PRKN: variants seen among roughly 807,000 people sequenced by gnomAD.
The protein encoded by PRKN is parkin RBR E3 ubiquitin protein ligase, also known as E3 ubiquitin-protein ligase parkin.
Under a neutral mutation model 59.5 loss-of-function variants are expected in PRKN, and 56 were observed. That is an observed-to-expected ratio of 0.94 (90% CI 0.76 to 1.18). The LOEUF (loss-of-function observed/expected upper bound fraction) is 1.18. PRKN is among the 50% of genes most tolerant of loss of function. PRKN has a pLI of 0.00. For missense variants in PRKN, 657 were observed against 596.4 expected (o/e 1.10, Z -1.06); for synonymous variants, 250 against 222.1 (o/e 1.13, Z -1.12).
At chr6:162,108,533 C>G (rs1780287306) in intron 4 of PRKN, among the ~76,000 whole-genome samples, 1 of 152,110 alleles carries the variant, frequency 6.6e-6, no homozygotes, top group Admixed American at 6.6e-5. Context: ...ATAGCAGGAA[C>G]TCAAATCGCA....
intron 2 of PRKN, among the ~76,000 whole-genome samples, chr6:162,347,440 A>G (rs988434385): frequency 1.3e-5 from 2 of 151,756 alleles, no homozygotes; most frequent in Admixed American, 1.3e-4. Flanking sequence ...CTTAATTTTC[A>G]ATATGGGTTG....
intron 4 of PRKN, among the ~76,000 whole-genome samples, chr6:162,086,022 T>C (rs1292970260): frequency 6.6e-6 from 1 of 152,176 alleles, no homozygotes; most frequent in Non-Finnish European, 1.5e-5. Context: ...CTTTGAAATC[T>C]CCCCATAGAA....
At position 161,355,031 on chromosome 6, in the gene PRKN, C is replaced by A. The variant is rs561860016; in HGVS notation, c.1286-4820G>T. On this transcript the variant is annotated intron_variant, in intron 11 of 11. Transcript: ENST00000366898. This position sits in a 1 kb window ranked among gnomAD's most constrained non-coding sequence, Gnocchi z 6.8. ...CATCCTAGAATATCTGCCTGCCTCA[C>A]AGGATCAAGTCCAAGCCCCAAACCT... is the stretch of plus-strand genomic sequence containing the variant. Among the ~76,000 whole-genome samples the A allele has an allele frequency of 6.6e-6, 1 of 152,202 alleles. No individual in the cohort carries two copies. Among genetic ancestry groups the A allele is most frequent in the Non-Finnish European group, 1.5e-5 (1 of 68,032 alleles).
chr6:161,672,738 T>C (rs1394472831), intron 7 of PRKN, among the ~76,000 whole-genome samples: 1 of 152,158 alleles, frequency 6.6e-6, no homozygotes, highest in Non-Finnish European at 1.5e-5. Flanking sequence ...ATCACACCAC[T>C]GCACTCCAGC....
chr6:162,375,742 T>TACACACACACACACACAC (rs60180187), intron 2 of PRKN, among the ~76,000 whole-genome samples: 141 of 149,104 alleles, frequency 9.5e-4, no homozygotes, highest in Admixed American at 1.8e-3. Context: ...TATGGCTTTG[T>TACACACACACACACACAC]ACACACACAC....
In PRKN at chr6:162,267,082, T is replaced by C. The variant is rs187109579; in HGVS notation, c.172-4317A>G. 13 of 152,286 alleles carry C rather than the reference T, an allele frequency of 8.5e-5. 1 individual carries two copies. Among genetic ancestry groups the C allele is most frequent in the Non-Finnish European group, 1.6e-4 (11 of 68,010 alleles). 9.4% of individuals were successfully genotyped at this position (152,286 alleles called of 1,614,324 possible). Reference sequence around the variant, plus strand: ...AGGGACAGGTAAAATGTGACAAATGTTGATGAAATCTAAAAGATTTCAAAT... The same window carrying C: ...AGGGACAGGTAAAATGTGACAAATGCTGATGAAATCTAAAAGATTTCAAAT... On this transcript the variant is annotated intron_variant, in intron 2 of 11. Coordinates refer to ENST00000366898, the MANE Select transcript of PRKN (RefSeq NM_004562.3).
chr6:162,582,791 T>C (rs1005067131), intron 1 of PRKN, among the ~76,000 whole-genome samples: 1 of 152,218 alleles, frequency 6.6e-6, no homozygotes, highest in African/African-American at 2.4e-5. Flanking sequence ...TACATGTCTC[T>C]GAATTATAAC....
intron 2 of PRKN, among the ~76,000 whole-genome samples, chr6:162,320,764 T>A (rs1449134940): frequency 6.6e-6 from 1 of 151,614 alleles, no homozygotes; most frequent in African/African-American, 2.4e-5. Flanking sequence ...TATGAAATAT[T>A]GAAAAAATGA....
chr6:161,575,544 A>C lies in PRKN; in HGVS notation c.872-6128T>G, dbSNP rs1781096811. ...AAAATATATTCCATTGAGAAGCATT[A>C]AAAACCACATGAGTCTTCGATCACT... On this transcript the variant is annotated intron_variant, in intron 7 of 11. Transcript: ENST00000366898. This position sits in a 1 kb window ranked among gnomAD's most constrained non-coding sequence, Gnocchi z 4.6. Among the ~76,000 whole-genome samples, 1 of 152,242 alleles carries C rather than the reference A, an allele frequency of 6.6e-6. No individual in the cohort carries two copies. Among genetic ancestry groups the C allele is most frequent in the Non-Finnish European group, 1.5e-5 (1 of 68,044 alleles).
chr6:161,835,490 C>A (rs1461224798), intron 6 of PRKN, among the ~76,000 whole-genome samples: 2 of 152,180 alleles, frequency 1.3e-5, no homozygotes, highest in Non-Finnish European at 2.9e-5. Context: ...GGAGCTAAAC[C>A]AAAATAAACA....
chr6:161,758,165 A>G (rs1262950640), intron 7 of PRKN, among the ~76,000 whole-genome samples: 2 of 151,890 alleles, frequency 1.3e-5, no homozygotes, highest in Non-Finnish European at 2.9e-5. Context: ...CACGGAAAGT[A>G]GTTTGGCAGT....
At chr6:161,713,039 T>C (rs1424707194) in intron 7 of PRKN, among the ~76,000 whole-genome samples, 2 of 152,214 alleles carry the variant, frequency 1.3e-5, no homozygotes, top group Non-Finnish European at 2.9e-5. Flanking sequence ...TGGGGCCACC[T>C]GTACCTCAGA....
chr6:161,363,276 T>G lies in PRKN; in HGVS notation c.1168-3071A>C, dbSNP rs1157144090. Among the ~76,000 whole-genome samples the G allele has an allele frequency of 2.0e-5, 3 of 152,148 alleles. No individual in the cohort carries two copies. The highest frequency in any genetic ancestry group is 4.4e-5 in the Non-Finnish European group (3 of 68,036). On this transcript the variant is annotated intron_variant, in intron 10 of 11. Transcript: ENST00000366898. The surrounding 1 kb of genome is among the most constrained non-coding windows in gnomAD (Gnocchi z 4.1). The stretch of plus-strand genomic sequence containing the variant: ...TAACTGAGTATAAACTAAATATGTT[T>G]GTTATATTTAAATAAATAAATAAAG...
intron 1 of PRKN, among the ~76,000 whole-genome samples, chr6:162,619,450 A>G (rs2846526): frequency 0.53 from 80,988 of 151,850 alleles, 22,379 homozygotes; most frequent in African/African-American, 0.64. Flanking sequence ...CTAGTGTACA[A>G]TAGCATGGGG....
rs540209454 is a variant in PRKN, at chr6:161,520,006, G to C, written c.1083+28848C>G. Among the ~76,000 whole-genome samples, 10 of 152,238 alleles carry C rather than the reference G, an allele frequency of 6.6e-5. 1 individual carries two copies. The highest frequency in any genetic ancestry group is 5.9e-4 in the Admixed American group (9 of 15,284). Reference sequence around the variant, plus strand: ...GGAGGAAGTGTATTAATTGAGGGTGGGGAGGAGGAATAGCTTGAGGAAACT... The same window carrying C: ...GGAGGAAGTGTATTAATTGAGGGTGCGGAGGAGGAATAGCTTGAGGAAACT... On this transcript the variant is annotated intron_variant, in intron 9 of 11. Coordinates refer to ENST00000366898, the MANE Select transcript of PRKN (RefSeq NM_004562.3).
chr6:162,608,716 G>T (rs1219932342), intron 1 of PRKN, among the ~76,000 whole-genome samples: 3 of 152,198 alleles, frequency 2.0e-5, no homozygotes, highest in Non-Finnish European at 2.9e-5. Context: ...GGAAACCTCA[G>T]ATGTGAGCCA....
intron 1 of PRKN, among the ~76,000 whole-genome samples, chr6:162,519,913 T>C (rs962382500): frequency 1.6e-4 from 24 of 152,196 alleles, no homozygotes; most frequent in African/African-American, 5.8e-4. Flanking sequence ...TGTGAATCAA[T>C]AAAATAATTG....
At position 161,460,370 on chromosome 6, in the gene PRKN, G is replaced by C. The variant is rs1790148215; in HGVS notation, c.1084-73493C>G. On this transcript the variant is annotated intron_variant, in intron 9 of 11. Coordinates refer to ENST00000366898, the MANE Select transcript of PRKN (RefSeq NM_004562.3). This position sits in a 1 kb window ranked among gnomAD's most constrained non-coding sequence, Gnocchi z 5.0. ...CAAAGGAGGTGCCATACTCCCTCTGGATAGTCTCAGGCCCAAATATCCATT... is the reference window on the plus strand; with the variant it reads ...CAAAGGAGGTGCCATACTCCCTCTGCATAGTCTCAGGCCCAAATATCCATT... Among the ~76,000 whole-genome samples, 1 of 152,132 alleles carries C rather than the reference G, an allele frequency of 6.6e-6. No homozygotes were observed. The highest frequency in any genetic ancestry group is 2.4e-5 in the African/African-American group (1 of 41,426).
chr6:162,157,806 T>C (rs1782579650), intron 4 of PRKN, among the ~76,000 whole-genome samples: 1 of 152,020 alleles, frequency 6.6e-6, no homozygotes, highest in Non-Finnish European at 1.5e-5. Context: ...TACAGCCAAG[T>C]TGAATTCCTT....
Sources: gnomAD v4.1 joint callset for allele counts (sites outside exome capture counted in the v4.1 genomes callset) on GRCh38, gnomAD v4.1.1 for gene constraint, Gnocchi (gnomAD v3.1) non-coding constraint, MANE v1.5 for transcripts, NCBI Gene and HGNC (gene_info 2026-07-23, HGNC 2026-07-21) for gene names.